Variants in UTS2 observed in about 807,000 individuals in gnomAD.
UTS2 encodes the protein urotensin 2, also known as urotensin-2.
A neutral mutation model predicts 12.6 loss-of-function variants in UTS2; 10 were observed. That is an observed-to-expected ratio of 0.80 (90% CI 0.49 to 1.35). The LOEUF is 1.35. UTS2 is among the 40% of genes most tolerant of loss of function. The pLI is 0.00. For missense variants in UTS2, 142 were observed against 143.2 expected (o/e 0.99, Z 0.04); for synonymous variants, 52 against 50.0 (o/e 1.04, Z -0.17).
In UTS2 at chr1:7,849,701, A is replaced by G. The variant is rs1183785182; in HGVS notation, c.215-18T>C. The G allele has an allele frequency of 1.9e-6, 3 of 1,604,986 alleles. No homozygotes were observed. The South Asian group carries it at 3.4e-5, about 18-fold the overall frequency. ...ACTTGAGTCTGAAAAACAGTTTTGA[A>G]GCCAGTTCATCAGATCTGTTGTTTC... On this transcript the variant is annotated intron_variant, in intron 2 of 3. Transcript: ENST00000361696.
At chr1:7,871,336 A>G in the UTS2 span, among the ~76,000 whole-genome samples, 1 of 141,430 alleles carries the variant, frequency 7.1e-6, no homozygotes, top group Non-Finnish European at 1.5e-5. Context: ...ACGTAACACA[A>G]CGTGCTCTCT....
chr1:7,870,994 GGAT>G, the UTS2 span, among the ~76,000 whole-genome samples: 1 of 152,152 alleles, frequency 6.6e-6, no homozygotes, highest in African/African-American at 2.4e-5. Flanking sequence ...AGGAAGAAGG[GGAT>G]GATTCTGTGC....
chr1:7,876,510 A>T, the UTS2 span, among the ~76,000 whole-genome samples: 7 of 152,226 alleles, frequency 4.6e-5, no homozygotes, highest in Non-Finnish European at 7.4e-5. Flanking sequence ...AGACCCACTC[A>T]CCCACCTAGC....
chr1:7,878,125 T>G, the UTS2 span, among the ~76,000 whole-genome samples: 1 of 152,170 alleles, frequency 6.6e-6, no homozygotes, highest in African/African-American at 2.4e-5. Flanking sequence ...AATCAGACAA[T>G]ATGTTCACAG....
the UTS2 span, among the ~76,000 whole-genome samples, chr1:7,865,471 G>T: frequency 1.1e-5 from 1 of 87,140 alleles, no homozygotes; most frequent in African/African-American, 3.5e-5. Context: ...CTCCCACAGC[G>T]GTCCCTCTGT....
At chr1:7,863,103 G>GTATTGTATTGTATTGTATTGTATT in the UTS2 span, among the ~76,000 whole-genome samples, 2 of 132,982 alleles carry the variant, frequency 1.5e-5, no homozygotes, top group African/African-American at 6.1e-5. Flanking sequence ...GTATTGTATT[G>GTATTGTATTGTATTGTATTGTATT]TATTGTATTG....
chr1:7,860,667 C>G, the UTS2 span, among the ~76,000 whole-genome samples: 1 of 150,604 alleles, frequency 6.6e-6, no homozygotes, highest in Non-Finnish European at 1.5e-5. Flanking sequence ...ATGCCTGGCT[C>G]AAGCCATCCT....
At chr1:7,881,392 A>G in the UTS2 span, among the ~76,000 whole-genome samples, 2 of 152,280 alleles carry the variant, frequency 1.3e-5, no homozygotes, top group South Asian at 4.1e-4. Context: ...GAGAAAATCT[A>G]AAGACTTCAC....
the UTS2 span, among the ~76,000 whole-genome samples, chr1:7,901,859 C>T: frequency 6.6e-6 from 1 of 152,144 alleles, no homozygotes; most frequent in African/African-American, 2.4e-5. Flanking sequence ...GATCACGGAA[C>T]GTGTGAGGTC....
chr1:7,863,057 T>TTGAGACGAA, the UTS2 span, among the ~76,000 whole-genome samples: 1 of 75,880 alleles, frequency 1.3e-5, no homozygotes, highest in Non-Finnish European at 2.8e-5. Flanking sequence ...TGTATTGTAT[T>TTGAGACGAA]GTATTGTATT....
chr1:7,865,021 G>C, the UTS2 span, among the ~76,000 whole-genome samples: 39 of 48,080 alleles, frequency 8.1e-4, 2 homozygotes, highest in African/African-American at 1.9e-3. Flanking sequence ...CTCCCACAGC[G>C]GTCCCTCTGT....
intron 1 of UTS2, among the ~76,000 whole-genome samples, chr1:7,852,274 C>T (rs2097414970): frequency 1.3e-5 from 2 of 152,014 alleles, no homozygotes; most frequent in African/African-American, 2.4e-5. Context: ...ATTTCTCTAA[C>T]TAAATGGAAA....
upstream of UTS2, chr1:7,853,068 C>A: frequency 6.4e-7 from 1 of 1,563,234 alleles, no homozygotes; most frequent in Non-Finnish European, 8.6e-7. Flanking sequence ...ACTGTCTCCT[C>A]ATTCTGCCTG....
the UTS2 span, among the ~76,000 whole-genome samples, chr1:7,861,915 C>CTTTT: frequency 7.0e-6 from 1 of 142,988 alleles, no homozygotes. Flanking sequence ...CAAAACACCT[C>CTTTT]TTTTTTTTTT....
chr1:7,871,635 G>A, the UTS2 span, among the ~76,000 whole-genome samples: 7 of 151,970 alleles, frequency 4.6e-5, no homozygotes, highest in Admixed American at 2.0e-4. Context: ...TATCAGCACC[G>A]TTTTTCCAGC....
At chr1:7,858,328 C>T (rs551513997), upstream of UTS2, among the ~76,000 whole-genome samples, 69 of 152,256 alleles carry the variant, frequency 4.5e-4, no homozygotes, top group African/African-American at 1.5e-3. Flanking sequence ...CAAAGACCAC[C>T]CTGAGAAGTG....
chr1:7,847,865 T>G lies in UTS2; in HGVS notation c.276A>C (p.Gly92=), dbSNP rs2097409399. 5 of 1,610,876 alleles carry G rather than the reference T, an allele frequency of 3.1e-6. No homozygotes were observed. The highest frequency in any genetic ancestry group is 1.7e-5 in the Admixed American group (1 of 59,448). ...GNLRKFQDFS[G]QDPNILLSHL... ...GACTCAGTAAAATGTTAGGATCTTG[T>G]CCAGAGAAATCCTGAAACTAAAACA... The change falls in exon 4 of 4, where the codon GGA becomes GGC. Residue 92 remains glycine (G), a synonymous_variant. Coordinates refer to ENST00000361696, the MANE Select transcript of UTS2 (RefSeq NM_006786.4).
the UTS2 span, among the ~76,000 whole-genome samples, chr1:7,871,476 G>A: frequency 2.0e-5 from 3 of 152,174 alleles, no homozygotes; most frequent in South Asian, 4.1e-4. Flanking sequence ...ATTTGTTGAC[G>A]TGTGGTTTGT....
At chr1:7,912,844 A>G in the UTS2 span, among the ~76,000 whole-genome samples, 2 of 151,970 alleles carry the variant, frequency 1.3e-5, no homozygotes, top group Admixed American at 6.6e-5. Flanking sequence ...TCCCCTCTGC[A>G]GTATTCCTGT....
Sources: gnomAD v4.1 joint callset for allele counts (sites outside exome capture counted in the v4.1 genomes callset) on GRCh38, gnomAD v4.1.1 for gene constraint, MANE v1.5 for transcripts, NCBI Gene and HGNC (gene_info 2026-07-23, HGNC 2026-07-21) for gene names.